SLC4A4: variants seen among roughly 807,000 people sequenced by gnomAD.
SLC4A4 encodes the protein solute carrier family 4 member 4, also known as electrogenic sodium bicarbonate cotransporter 1.
SLC4A4 carries 27 observed loss-of-function variants against 111.5 expected under a neutral mutation model. That is an observed-to-expected ratio of 0.24 (90% CI 0.18 to 0.33). The LOEUF (loss-of-function observed/expected upper bound fraction) is 0.33, where lower values mean the gene tolerates loss of function less well. Ranked by LOEUF, SLC4A4 falls within the 10% of genes least tolerant of loss-of-function variation. SLC4A4 has a pLI of 1.00. For missense variants in SLC4A4, 909 were observed against 1,315.5 expected (o/e 0.69, Z 4.78); for synonymous variants, 443 against 463.4 (o/e 0.96, Z 0.57).
intron 7 of SLC4A4, among the ~76,000 whole-genome samples, chr4:71,409,841 C>T (rs895269997): frequency 5.9e-5 from 9 of 152,188 alleles, no homozygotes; most frequent in East Asian, 5.8e-4. Context: ...GGGCCACACC[C>T]GGGGTCCCCG....
At chr4:71,205,885 C>T (rs1463010276) in intron 1 of SLC4A4, among the ~76,000 whole-genome samples, 2 of 152,162 alleles carry the variant, frequency 1.3e-5, no homozygotes, top group Admixed American at 6.6e-5. Context: ...ATTTTATCTA[C>T]CATCAGTCAT....
chr4:71,406,185 A>T (rs1203709886), intron 7 of SLC4A4, among the ~76,000 whole-genome samples: 2 of 152,042 alleles, frequency 1.3e-5, no homozygotes, highest in African/African-American at 4.8e-5. Context: ...CCCAACCCCC[A>T]AGAGAATTTT....
chr4:71,127,030 C>T (rs965710586), intron 2 of SLC4A4, among the ~76,000 whole-genome samples: 1 of 152,166 alleles, frequency 6.6e-6, no homozygotes, highest in Admixed American at 6.5e-5. Context: ...ATAAATATAT[C>T]CCACTAAACC....
At chr4:71,173,956 A>G (rs1234997327) in intron 2 of SLC4A4, among the ~76,000 whole-genome samples, 1 of 152,148 alleles carries the variant, frequency 6.6e-6, no homozygotes, top group Non-Finnish European at 1.5e-5. Flanking sequence ...ACCCTAAAAC[A>G]TGGGAATGGC....
chr4:71,466,408 G>C, intron 12 of SLC4A4, 36 bp from the exon 13 acceptor site: 1 of 1,612,188 alleles, frequency 6.2e-7, no homozygotes, highest in East Asian at 2.2e-5. Flanking sequence ...GAAAAAAGAT[G>C]TGTTTCATTT....
At chr4:71,332,224 A>C (rs565986037) in intron 3 of SLC4A4, among the ~76,000 whole-genome samples, 17 of 150,696 alleles carry the variant, frequency 1.1e-4, no homozygotes, top group Non-Finnish European at 2.2e-4. Flanking sequence ...GTTTGGTTTT[A>C]TTTTGCTTTT....
chr4:71,500,743 G>T (rs1244941248), intron 16 of SLC4A4, among the ~76,000 whole-genome samples: 1 of 152,178 alleles, frequency 6.6e-6, no homozygotes, highest in Non-Finnish European at 1.5e-5. Flanking sequence ...ACCCCATTGT[G>T]TGTTCTTGGC....
chr4:71,074,246 G>C (rs1741749723), intron 1 of SLC4A4, among the ~76,000 whole-genome samples: 1 of 152,166 alleles, frequency 6.6e-6, no homozygotes, highest in African/African-American at 2.4e-5. Context: ...GGGAAGATAA[G>C]AATCCAGGTG....
At chr4:71,517,071 T>C (rs1405628682) in intron 16 of SLC4A4, among the ~76,000 whole-genome samples, 1 of 152,148 alleles carries the variant, frequency 6.6e-6, no homozygotes, top group Non-Finnish European at 1.5e-5. Flanking sequence ...TATCTTGATA[T>C]AGTATTTTTA....
chr4:71,505,670 G>A (rs949613751), intron 16 of SLC4A4, among the ~76,000 whole-genome samples: 1 of 151,970 alleles, frequency 6.6e-6, no homozygotes, highest in Admixed American at 6.6e-5. Flanking sequence ...CGTTTCTTTT[G>A]CTGGGCAGAA....
rs563577448 is a variant in SLC4A4, at chr4:71,449,465, C to A, written c.1054-924C>A. Among the ~76,000 whole-genome samples the A allele has an allele frequency of 1.4e-3, 212 of 152,312 alleles. 2 individuals carry two copies. In the South Asian group the frequency reaches 0.015, roughly 11 times the overall value. ...AAAATAAGGTTGAGGATGGCTATATCAGCCACAGATTATGTGCTGGCATTT... is the reference window on the plus strand; with the variant it reads ...AAAATAAGGTTGAGGATGGCTATATAAGCCACAGATTATGTGCTGGCATTT... On this transcript the variant is annotated intron_variant, in intron 9 of 25. Transcript: ENST00000264485.
intron 3 of SLC4A4, among the ~76,000 whole-genome samples, chr4:71,313,449 A>G (rs908374506): frequency 6.6e-6 from 1 of 152,204 alleles, no homozygotes; most frequent in African/African-American, 2.4e-5. Context: ...ATATGGAACC[A>G]AAAAAGCCCA....
At chr4:71,462,522 C>T (rs376521099) in intron 12 of SLC4A4, among the ~76,000 whole-genome samples, 1 of 151,102 alleles carries the variant, frequency 6.6e-6, no homozygotes, top group East Asian at 2.0e-4. Context: ...AATTCTCCTG[C>T]CTCAGCCTCC....
At chr4:71,221,403 A>T (rs570263455) in intron 1 of SLC4A4, among the ~76,000 whole-genome samples, 1 of 152,354 alleles carries the variant, frequency 6.6e-6, no homozygotes, top group South Asian at 2.1e-4. Context: ...CAAACACGGG[A>T]TGTCATTCTT....
At chr4:71,518,507 C>T (rs1023506321) in intron 16 of SLC4A4, among the ~76,000 whole-genome samples, 2 of 151,882 alleles carry the variant, frequency 1.3e-5, no homozygotes, top group Non-Finnish European at 2.9e-5. Flanking sequence ...CCTCACTCTA[C>T]ACTAGTCTGG....
At chr4:71,492,670 T>C (rs550826352) in intron 15 of SLC4A4, among the ~76,000 whole-genome samples, 1 of 152,118 alleles carries the variant, frequency 6.6e-6, no homozygotes, top group South Asian at 2.1e-4. Context: ...CTCTCTCTAA[T>C]ACTTTACTTC....
intron 1 of SLC4A4, among the ~76,000 whole-genome samples, chr4:71,207,206 G>A (rs1717826887): frequency 6.6e-6 from 1 of 152,180 alleles, no homozygotes; most frequent in African/African-American, 2.4e-5. Flanking sequence ...AAGAAATGAG[G>A]TGTTGGCTCT....
intron 4 of SLC4A4, among the ~76,000 whole-genome samples, chr4:71,344,626 AGCTCCAT>A (rs1248902154): frequency 6.6e-6 from 1 of 152,160 alleles, no homozygotes; most frequent in Non-Finnish European, 1.5e-5. Context: ...AGACTTCTCC[AGCTCCAT>A]GTAGGTTCTG....
intron 3 of SLC4A4, among the ~76,000 whole-genome samples, chr4:71,291,659 A>C (rs1037332998): frequency 6.6e-6 from 1 of 152,206 alleles, no homozygotes; most frequent in South Asian, 2.1e-4. Context: ...ACTGTAAAAT[A>C]GTATTGCCCT....
Sources: gnomAD v4.1 joint callset for allele counts (sites outside exome capture counted in the v4.1 genomes callset) on GRCh38, gnomAD v4.1.1 for gene constraint, MANE v1.5 for transcripts, NCBI Gene and HGNC (gene_info 2026-07-23, HGNC 2026-07-21) for gene names.